The following PTPRN2 variants were observed in gnomAD, a reference collection of about 807,000 sequenced individuals.
PTPRN2 encodes the protein receptor-type tyrosine-protein phosphatase N2.
In PTPRN2, 74 loss-of-function variants were observed where a neutral mutation model predicts 118.8. The observed-to-expected ratio is 0.62, with a 90% CI of 0.52 to 0.76. The LOEUF (loss-of-function observed/expected upper bound fraction) is 0.76, where lower values mean the gene tolerates loss of function less well. Among genes scored for constraint, PTPRN2 ranks in the 30% least tolerant of loss-of-function variants. The probability of loss-of-function intolerance (pLI) is 0.00; values close to 1 mark genes in which losing one functional copy is unlikely to be tolerated. For missense variants in PTPRN2, 1,481 were observed against 1,394.4 expected (o/e 1.06, Z -0.99); for synonymous variants, 641 against 608.0 (o/e 1.05, Z -0.80).
intron 11 of PTPRN2, among the ~76,000 whole-genome samples, chr7:158,033,191 G>A (rs1485525483): frequency 1.3e-5 from 1 of 77,654 alleles, no homozygotes; most frequent in African/African-American, 6.9e-5. Context: ...TAAAGCCTTG[G>A]TGCCTGGTGG....
At chr7:157,972,105 T>C (rs546166759) in intron 11 of PTPRN2, among the ~76,000 whole-genome samples, 3 of 152,280 alleles carry the variant, frequency 2.0e-5, no homozygotes, top group East Asian at 1.9e-4. Flanking sequence ...TCCCCAATGA[T>C]TGGCATTTGG....
At chr7:157,805,433 T>A (rs1017425098) in intron 12 of PTPRN2, among the ~76,000 whole-genome samples, 1 of 152,156 alleles carries the variant, frequency 6.6e-6, no homozygotes, top group African/African-American at 2.4e-5. Flanking sequence ...AAAGCACATT[T>A]TTCTTATAAA....
intron 12 of PTPRN2, among the ~76,000 whole-genome samples, chr7:157,848,141 GT>G (rs1809006383): frequency 6.8e-6 from 1 of 148,064 alleles, no homozygotes; most frequent in Non-Finnish European, 1.5e-5. Context: ...TGTGCCTGAT[GT>G]TTACAGAGCC....
intron 2 of PTPRN2, among the ~76,000 whole-genome samples, chr7:158,382,922 C>T (rs1381171651): frequency 1.3e-5 from 2 of 152,190 alleles, no homozygotes; most frequent in East Asian, 3.8e-4. Flanking sequence ...ACATATTGCA[C>T]TTGGATCTTT....
chr7:157,775,250 C>T (rs1803129231), intron 12 of PTPRN2, among the ~76,000 whole-genome samples: 1 of 152,216 alleles, frequency 6.6e-6, no homozygotes, highest in Admixed American at 6.5e-5. Context: ...TCTGCGGCAG[C>T]TACTGTCATA....
intron 12 of PTPRN2, among the ~76,000 whole-genome samples, chr7:157,725,674 G>A (rs1341455412): frequency 8.0e-5 from 10 of 125,550 alleles, no homozygotes; most frequent in Non-Finnish European, 1.2e-4. Context: ...AGAGGAGTGA[G>A]CCAGACCCTC....
At chr7:158,359,476 G>A (rs73729763) in intron 2 of PTPRN2, among the ~76,000 whole-genome samples, 4,820 of 152,244 alleles carry the variant, frequency 0.032, 129 homozygotes, top group African/African-American at 0.07. Flanking sequence ...AGCCATAAAA[G>A]GACTGCTCCC....
At chr7:158,549,783 A>G (rs539732944) in intron 1 of PTPRN2, among the ~76,000 whole-genome samples, 1 of 152,362 alleles carries the variant, frequency 6.6e-6, no homozygotes, top group Non-Finnish European at 1.5e-5. Context: ...GTGAGATGGG[A>G]CTGCGTGTCC....
intron 4 of PTPRN2, among the ~76,000 whole-genome samples, chr7:158,197,067 C>T (rs1313501838): frequency 6.6e-6 from 1 of 152,136 alleles, no homozygotes; most frequent in Non-Finnish European, 1.5e-5. Flanking sequence ...TCTCCTTTCA[C>T]AGAATTTGAT....
intron 3 of PTPRN2, among the ~76,000 whole-genome samples, chr7:158,312,480 GTA>G (rs371986581): frequency 0.012 from 1,701 of 136,782 alleles, 46 homozygotes; most frequent in African/African-American, 0.043. Flanking sequence ...ACCCACACAT[GTA>G]CACACACGTG....
intron 12 of PTPRN2, among the ~76,000 whole-genome samples, chr7:157,717,581 C>G (rs548961914): frequency 6.6e-6 from 1 of 152,260 alleles, no homozygotes; most frequent in Non-Finnish European, 1.5e-5. Context: ...TCTATGGACT[C>G]CTTCATGGAA....
chr7:157,751,373 G>T (rs986729095), intron 12 of PTPRN2, among the ~76,000 whole-genome samples: 2 of 152,172 alleles, frequency 1.3e-5, no homozygotes, highest in South Asian at 4.1e-4. Flanking sequence ...GTGGCAGCGG[G>T]TTTATTTTTG....
At chr7:157,942,588 G>A (rs928137170) in intron 11 of PTPRN2, among the ~76,000 whole-genome samples, 1 of 152,034 alleles carries the variant, frequency 6.6e-6, no homozygotes, top group African/African-American at 2.4e-5. Context: ...CTGGGAGCTG[G>A]TGGAATATGA....
At chr7:158,074,880 T>C (rs1402552391) in intron 11 of PTPRN2, among the ~76,000 whole-genome samples, 1 of 152,204 alleles carries the variant, frequency 6.6e-6, no homozygotes, top group African/African-American at 2.4e-5. Flanking sequence ...ATAAACCCCC[T>C]CTGTGTAAAA....
chr7:158,570,581 C>A lies in PTPRN2; in HGVS notation c.112+16977G>T, dbSNP rs1216960087. 6.6e-6 allele frequency among the ~76,000 whole-genome samples: 1 copy of A among 152,220 alleles called. No homozygotes were observed. Among genetic ancestry groups the A allele is most frequent in the Non-Finnish European group, 1.5e-5 (1 of 68,044 alleles). On this transcript the variant is annotated intron_variant, in intron 1 of 22. Coordinates refer to ENST00000389418, the MANE Select transcript of PTPRN2 (RefSeq NM_002847.5). The surrounding 1 kb of genome is among the most constrained non-coding windows in gnomAD (Gnocchi z 4.5). ...CCTCTCCCTGTGTCCTCCGTGCCCC[C>A]CGAGTGGCCTGCTAGCCCGCTCTCC...
intron 12 of PTPRN2, among the ~76,000 whole-genome samples, chr7:157,774,275 G>T (rs1298916663): frequency 1.3e-5 from 2 of 152,234 alleles, no homozygotes; most frequent in African/African-American, 4.8e-5. Flanking sequence ...GCGCTGAATA[G>T]AATATGCACC....
chr7:157,759,205 G>A (rs557549938), intron 12 of PTPRN2, among the ~76,000 whole-genome samples: 47 of 152,334 alleles, frequency 3.1e-4, no homozygotes, highest in Non-Finnish European at 5.6e-4. Flanking sequence ...GGGCGCAGGC[G>A]GTCGGCATTG....
At chr7:158,244,927 C>T (rs112666936) in intron 3 of PTPRN2, among the ~76,000 whole-genome samples, 1 of 152,286 alleles carries the variant, frequency 6.6e-6, no homozygotes, top group Non-Finnish European at 1.5e-5. Flanking sequence ...CCCAGTGCCC[C>T]GGGGTGGGGG....
rs1440243662 is a variant in PTPRN2 at position 157,898,687 on chromosome 7, T to C, written c.1774A>G (p.Thr592Ala). 1 of 1,603,718 alleles carries C rather than the reference T, an allele frequency of 6.2e-7. No individual in the cohort carries two copies. The highest frequency in any genetic ancestry group is 2.2e-5 in the East Asian group (1 of 44,826). ...CTGTTACTCACCGACCCGACTCCGG[T>C]TTGAAGAATTTTCAGTCCAGAGGTT... ...EETSGLKILQTGVGSKSKLKF... is the reference protein window; with the variant it reads ...EETSGLKILQAGVGSKSKLKF... Residue 592 changes from threonine to alanine, a missense_variant, in exon 12 of 23, where the codon ACC becomes GCC. Coordinates refer to ENST00000389418, the MANE Select transcript of PTPRN2 (RefSeq NM_002847.5).
Sources: gnomAD v4.1 joint callset for allele counts (sites outside exome capture counted in the v4.1 genomes callset) on GRCh38, gnomAD v4.1.1 for gene constraint, Gnocchi (gnomAD v3.1) non-coding constraint, MANE v1.5 for transcripts, NCBI Gene and HGNC (gene_info 2026-07-23, HGNC 2026-07-21) for gene names.